Variants in OPRD1 observed in about 807,000 individuals in gnomAD.
The protein encoded by OPRD1 is opioid receptor delta 1, also known as delta-type opioid receptor.
Under a neutral mutation model 17.5 loss-of-function variants are expected in OPRD1, and 19 were observed. The observed-to-expected ratio is 1.09, with a 90% CI of 0.76 to 1.60. The LOEUF is 1.60. Ranked by LOEUF, OPRD1 falls within the 40% of genes most tolerant of loss-of-function variation. The pLI is 0.00. For synonymous variants in OPRD1, 256 were observed against 240.9 expected (o/e 1.06, Z -0.58); for missense variants, 483 against 547.2 (o/e 0.88, Z 1.17).
rs12133192 is a variant in OPRD1, at chr1:28,812,628, C to T, written c.227+18C>T. ...ATCGTCCGGTGAGTCCGCTGCGGGC[C>T]GGCGCCGCAGGGCTGGAGCCCGGGG... On this transcript the variant is annotated intron_variant, in intron 1 of 2. Coordinates refer to ENST00000234961, the MANE Select transcript of OPRD1 (RefSeq NM_000911.4). The T allele has an allele frequency of 1.1e-5, 16 of 1,476,510 alleles. No individual in the cohort carries two copies. The highest frequency in any genetic ancestry group is 1.3e-5 in the South Asian group (1 of 78,060). The allele number at this position is 1,476,510 out of a possible 1,614,324, so 91.5% of individuals were successfully genotyped here. A position where few individuals can be genotyped will look rare whatever the true frequency, so the allele number is the denominator to read the frequency against.
intron 1 of OPRD1, among the ~76,000 whole-genome samples, chr1:28,825,230 G>T (rs1205854250): frequency 6.6e-6 from 1 of 152,114 alleles, no homozygotes; most frequent in Non-Finnish European, 1.5e-5. Flanking sequence ...GACCTAGAAA[G>T]GTTCTGTGTC....
At chr1:28,816,717 G>GTCATCAGAGC (rs1319223567) in intron 1 of OPRD1, among the ~76,000 whole-genome samples, 2 of 152,100 alleles carry the variant, frequency 1.3e-5, no homozygotes, top group Non-Finnish European at 2.9e-5. Context: ...CCAGCACGAT[G>GTCATCAGAGC]ACTCGTGCTG....
At chr1:28,821,766 A>G (rs906348483) in intron 1 of OPRD1, among the ~76,000 whole-genome samples, 1 of 151,868 alleles carries the variant, frequency 6.6e-6, no homozygotes, top group Admixed American at 6.6e-5. Context: ...CTGCCCGGGC[A>G]TGGTGGCTCA....
intron 1 of OPRD1, among the ~76,000 whole-genome samples, chr1:28,836,931 G>A (rs1443166244): frequency 1.3e-5 from 2 of 152,146 alleles, no homozygotes; most frequent in Non-Finnish European, 2.9e-5. Context: ...ATGGGGGCAG[G>A]GTGGGGGAAC....
chr1:28,842,471 A>C (rs563208921), intron 1 of OPRD1, among the ~76,000 whole-genome samples: 1 of 152,342 alleles, frequency 6.6e-6, no homozygotes, highest in East Asian at 1.9e-4. Flanking sequence ...GCCCAGGAAC[A>C]AGTGTGGATT....
At chr1:28,839,637 T>C (rs1274087917) in intron 1 of OPRD1, among the ~76,000 whole-genome samples, 1 of 152,150 alleles carries the variant, frequency 6.6e-6, no homozygotes, top group Non-Finnish European at 1.5e-5. Context: ...GTTGTTACTG[T>C]TTTTGATTTT....
chr1:28,817,252 G>A (rs1396760456), intron 1 of OPRD1, among the ~76,000 whole-genome samples: 4 of 152,212 alleles, frequency 2.6e-5, no homozygotes, highest in Admixed American at 2.6e-4. Context: ...TCGGGAAGAT[G>A]TGGGTAATAG....
chr1:28,866,985 TCTC>T lies in OPRD1; in HGVS notation c.*3703_*3705del, dbSNP rs2089180699. 1 of 148,258 alleles carries T rather than the reference TCTC, an allele frequency of 6.7e-6. No homozygotes were observed. The highest frequency in any genetic ancestry group is 6.9e-5 in the Admixed American group (1 of 14,480). The allele number at this position is 148,258 out of a possible 1,614,324, so 9.2% of individuals were successfully genotyped here. The stretch of plus-strand genomic sequence containing the variant: ...TTTCAAAATGTCCTACTGTTTCAGA[TCTC>T]TTCTTCTTCATCATCTTTTTTTTTT... On this transcript the variant is annotated 3_prime_UTR_variant, in exon 3 of 3. Coordinates refer to ENST00000234961, the MANE Select transcript of OPRD1 (RefSeq NM_000911.4).
chr1:28,860,084 G>T lies in OPRD1; in HGVS notation c.577+781G>T, dbSNP rs561192022. ...GAAAGCACAGCCACTTTAAATGTTG[G>T]TTGGGTGCAGTGGCTCATGCCTGTA... On this transcript the variant is annotated intron_variant, in intron 2 of 2. Coordinates refer to ENST00000234961, the MANE Select transcript of OPRD1 (RefSeq NM_000911.4). 8.9e-4 allele frequency among the ~76,000 whole-genome samples: 135 copies of T among 152,360 alleles called. 1 individual carries two copies. The highest frequency in any genetic ancestry group is 1.7e-3 in the Non-Finnish European group (113 of 68,038).
rs751435140 is a variant in OPRD1 at position 28,859,028 on chromosome 1, C to T, written c.302C>T (p.Thr101Met). 7 of 1,614,046 alleles carry T rather than the reference C, an allele frequency of 4.3e-6. No homozygotes were observed. The highest frequency in any genetic ancestry group is 1.7e-5 in the Admixed American group (1 of 60,006). ...TTAGCCGATGCGCTGGCCACCAGCACGCTGCCTTTCCAGAGTGCCAAGTAC... is the reference window on the plus strand; with the variant it reads ...TTAGCCGATGCGCTGGCCACCAGCATGCTGCCTTTCCAGAGTGCCAAGTAC... ...LALADALATS[T>M]LPFQSAKYLM... Residue 101 changes from threonine (T) to methionine (M), a missense_variant, in exon 2 of 3, where the codon ACG becomes ATG. Thr to Met is a moderately conservative substitution (Grantham distance 81). Transcript: ENST00000234961.
In OPRD1 at chr1:28,862,996, C is replaced by T; in HGVS notation, c.832C>T (p.His278Tyr). The change falls in exon 3 of 3, where the codon CAC becomes TAC. Residue 278 changes from histidine (H) to tyrosine (Y), a missense_variant. By Grantham distance (83) the His-to-Tyr change is moderately conservative. Coordinates refer to ENST00000234961, the MANE Select transcript of OPRD1 (RefSeq NM_000911.4). ...GAFVVCWAPI[H>Y]IFVIVWTLVD... is the part of the protein sequence containing the mutation. ...CTTCGTGGTGTGTTGGGCGCCCATC[C>T]ACATCTTCGTCATCGTCTGGACGCT... 1 of 1,610,406 alleles carries T rather than the reference C, an allele frequency of 6.2e-7. No homozygotes were observed. Among genetic ancestry groups the T allele is most frequent in the Non-Finnish European group, 8.5e-7 (1 of 1,178,510 alleles).
intron 1 of OPRD1, among the ~76,000 whole-genome samples, chr1:28,846,854 C>CTTTCTTTCTTTCTTTCTTTCTTTCTTTCT (rs1557575943): frequency 3.0e-3 from 162 of 54,102 alleles, no homozygotes; most frequent in African/African-American, 8.7e-3. Flanking sequence ...TCTTTTCTTT[C>CTTTCTTTCTTTCTTTCTTTCTTTCTTTCT]TTTCTTTCTT....
At chr1:28,843,694 T>C (rs7511978) in intron 1 of OPRD1, among the ~76,000 whole-genome samples, 8,609 of 151,468 alleles carry the variant, frequency 0.057, 270 homozygotes, top group South Asian at 0.092. Flanking sequence ...GATCTCGGCT[T>C]ACTGCAACCT....
chr1:28,840,605 G>C (rs972549263), intron 1 of OPRD1, among the ~76,000 whole-genome samples: 1 of 152,158 alleles, frequency 6.6e-6, no homozygotes, highest in African/African-American at 2.4e-5. Flanking sequence ...AACACTGTCT[G>C]CCCCATAGTG....
intron 1 of OPRD1, among the ~76,000 whole-genome samples, chr1:28,850,863 A>T (rs536402945): frequency 9.1e-4 from 138 of 151,442 alleles, no homozygotes; most frequent in African/African-American, 3.1e-3. Flanking sequence ...AGAGATAACA[A>T]AAAGGAAATT....
rs758026521 is a variant in OPRD1 at position 28,812,514 on chromosome 1, C to T, written c.131C>T (p.Ser44Leu). ...GGGCCGCCAGGCGCGCGGAGCGCCT[C>T]GTCCCTCGCCCTGGCAATCGCCATC... The part of the protein sequence containing the change: ...ASGPPGARSA[S>L]SLALAIAITA... Residue 44 changes from serine (S) to leucine (L), a missense_variant, in exon 1 of 3, where the codon TCG becomes TTG. By Grantham distance (145) the Ser-to-Leu change is moderately radical. Coordinates refer to ENST00000234961, the MANE Select transcript of OPRD1 (RefSeq NM_000911.4). 9 of 1,573,336 alleles carry T rather than the reference C, an allele frequency of 5.7e-6. No homozygotes were observed. The highest frequency in any genetic ancestry group is 1.8e-5 in the Admixed American group (1 of 56,828).
chr1:28,854,062 G>A (rs1468820959), intron 1 of OPRD1, among the ~76,000 whole-genome samples: 1 of 151,966 alleles, frequency 6.6e-6, no homozygotes, highest in South Asian at 2.1e-4. Flanking sequence ...TTTCTAAAAA[G>A]CTATATACAT....
At chr1:28,842,157 G>A (rs1034599453) in intron 1 of OPRD1, among the ~76,000 whole-genome samples, 1 of 152,106 alleles carries the variant, frequency 6.6e-6, no homozygotes, top group Non-Finnish European at 1.5e-5. Flanking sequence ...AGCCTCCGGG[G>A]TAGCTGGGAC....
chr1:28,844,670 A>G (rs2088924774), intron 1 of OPRD1, among the ~76,000 whole-genome samples: 2 of 152,116 alleles, frequency 1.3e-5, no homozygotes, highest in Non-Finnish European at 2.9e-5. Context: ...TTAACCCCTT[A>G]TCAGATATGT....
Sources: gnomAD v4.1 joint callset for allele counts (sites outside exome capture counted in the v4.1 genomes callset) on GRCh38, gnomAD v4.1.1 for gene constraint, MANE v1.5 for transcripts, NCBI Gene and HGNC (gene_info 2026-07-23, HGNC 2026-07-21) for gene names.